The following MBD2 variants were observed in gnomAD, a reference collection of about 807,000 sequenced individuals.
MBD2 encodes the protein methyl-CpG binding domain protein 2, also known as methyl-CpG-binding domain protein 2.
A neutral mutation model predicts 39.3 loss-of-function variants in MBD2; 9 were observed. That is an observed-to-expected ratio of 0.23 (90% CI 0.14 to 0.40). The LOEUF (loss-of-function observed/expected upper bound fraction) is 0.40. MBD2 is among the 10% of genes least tolerant of loss of function. The pLI is 1.00. For synonymous variants in MBD2, 233 were observed against 211.1 expected (o/e 1.10, Z -0.90); for missense variants, 458 against 532.6 (o/e 0.86, Z 1.38).
Position 54,224,277 on chromosome 18 carries a change from C to A in MBD2, c.283G>T (p.Gly95Cys), listed in dbSNP as rs2086642487. The change falls in exon 1 of 7, where the codon GGC (glycine) becomes TGC (cysteine). Residue 95 changes from glycine (G) to cysteine (C), a missense_variant. Coordinates refer to ENST00000256429, the MANE Select transcript of MBD2 (RefSeq NM_003927.5). The part of the protein sequence containing the change: ...GRGRGRGRGR[G>C]RPPSGGSGLG... Reference sequence around the variant, plus strand: ...CCGCTGCCGCCACTCGGGGGACGGCCGCGGCCCCGGCCCCGGCCCCGTCCC... The same window carrying A: ...CCGCTGCCGCCACTCGGGGGACGGCAGCGGCCCCGGCCCCGGCCCCGTCCC... The A allele has an allele frequency of 1.1e-6, 1 of 948,204 alleles. No homozygotes were observed. Among genetic ancestry groups the A allele is most frequent in the South Asian group, 4.7e-5 (1 of 21,398 alleles). 58.7% of individuals were successfully genotyped at this position (948,204 alleles called of 1,614,324 possible).
intron 3 of MBD2, among the ~76,000 whole-genome samples, chr18:54,180,890 A>ATTTTTTTTT (rs1568083459): frequency 3.5e-5 from 4 of 114,594 alleles, no homozygotes; most frequent in African/African-American, 1.1e-4. Flanking sequence ...GTATTCCTTA[A>ATTTTTTTTT]TTTTTTCTTT....
In MBD2 at chr18:54,224,405, T is replaced by A; in HGVS notation, c.155A>T (p.Glu52Val). The change falls in exon 1 of 7, where the codon GAA becomes GTA. Residue 52 changes from glutamate (E) to valine (V), a missense_variant. This residue lies in a region of MBD2 where 269 missense variants were observed against 236.0 expected (regional missense o/e 1.14). Transcript: ENST00000256429. The stretch of plus-strand genomic sequence containing the variant: ...GCCACGGCCGCCGCCCCGAGCGCCT[T>A]CCCTGCGCACGCCGCTCACCGGGGA... ...APSPVSGVRR[E>V]GARGGGRGRG... is the part of the protein sequence containing the mutation. 1 of 1,245,872 alleles carries A rather than the reference T, an allele frequency of 8.0e-7. No individual in the cohort carries two copies. Among genetic ancestry groups the A allele is most frequent in the Non-Finnish European group, 1.0e-6 (1 of 996,428 alleles). 77.2% of individuals were successfully genotyped at this position (1,245,872 alleles called of 1,614,324 possible).
intron 1 of MBD2, among the ~76,000 whole-genome samples, chr18:54,221,885 AACT>A (rs1386382249): frequency 6.6e-6 from 1 of 152,242 alleles, no homozygotes; most frequent in Non-Finnish European, 1.5e-5. Flanking sequence ...TAACTTTTCC[AACT>A]ACAAGGAAAA....
At chr18:54,182,417 G>C (rs2086257469) in intron 3 of MBD2, among the ~76,000 whole-genome samples, 1 of 152,168 alleles carries the variant, frequency 6.6e-6, no homozygotes, top group African/African-American at 2.4e-5. Flanking sequence ...AAAGGAAACA[G>C]CATGAAATCT....
At chr18:54,214,021 T>A (rs2926343) in intron 1 of MBD2, among the ~76,000 whole-genome samples, 3 of 150,138 alleles carry the variant, frequency 2.0e-5, no homozygotes, top group African/African-American at 2.4e-5. Flanking sequence ...TTTTTTTTTT[T>A]AACAACAAAC....
chr18:54,180,168 A>C (rs1209173146), intron 3 of MBD2, among the ~76,000 whole-genome samples: 2 of 152,114 alleles, frequency 1.3e-5, no homozygotes, highest in African/African-American at 2.4e-5. Context: ...ATATAAGATC[A>C]CTAGACTGAA....
intron 2 of MBD2, among the ~76,000 whole-genome samples, chr18:54,194,911 G>C (rs957762343): frequency 6.6e-6 from 1 of 152,038 alleles, no homozygotes; most frequent in Non-Finnish European, 1.5e-5. Flanking sequence ...TGAGTCATTC[G>C]TGTTCTCAAT....
intron 1 of MBD2, among the ~76,000 whole-genome samples, chr18:54,207,221 G>A (rs2086457610): frequency 6.6e-6 from 1 of 152,088 alleles, no homozygotes; most frequent in African/African-American, 2.4e-5. Flanking sequence ...ACCAAAATAT[G>A]CCATATACCT....
chr18:54,157,630 G>A (rs534540073), intron 6 of MBD2, among the ~76,000 whole-genome samples: 3 of 152,282 alleles, frequency 2.0e-5, no homozygotes, highest in East Asian at 3.9e-4. Flanking sequence ...ACATGTAAAT[G>A]TAAGACATTA....
At chr18:54,187,792 T>C (rs2086294750) in intron 3 of MBD2, 2 of 985,908 alleles carry the variant, frequency 2.0e-6, no homozygotes, top group Non-Finnish European at 2.4e-6. Flanking sequence ...TATAGCAAGA[T>C]GCTGATCCAA....
intron 3 of MBD2, among the ~76,000 whole-genome samples, chr18:54,168,599 T>TATA (rs2086154505): frequency 9.6e-6 from 1 of 104,548 alleles, no homozygotes; most frequent in African/African-American, 4.6e-5. Flanking sequence ...ATATATATAT[T>TATA]TATGTATGCA....
intron 3 of MBD2, among the ~76,000 whole-genome samples, chr18:54,183,461 AT>A (rs1242382456): frequency 6.6e-6 from 1 of 152,232 alleles, no homozygotes; most frequent in Non-Finnish European, 1.5e-5. Context: ...AAAAAAAAGT[AT>A]GAAGGAAAAC....
chr18:54,185,735 A>G (rs2086282017), intron 3 of MBD2, among the ~76,000 whole-genome samples: 1 of 152,098 alleles, frequency 6.6e-6, no homozygotes, highest in African/African-American at 2.4e-5. Flanking sequence ...CCTCCCCACT[A>G]CAGGGGTCTT....
intron 2 of MBD2, among the ~76,000 whole-genome samples, chr18:54,195,148 T>C (rs1449615712): frequency 6.6e-6 from 1 of 152,076 alleles, no homozygotes; most frequent in African/African-American, 2.4e-5. Flanking sequence ...AAACCATCCA[T>C]GTCTATGAAT....
chr18:54,210,902 C>G (rs1454764219), intron 1 of MBD2, among the ~76,000 whole-genome samples: 2 of 134,730 alleles, frequency 1.5e-5, no homozygotes, highest in East Asian at 2.2e-4. Context: ...GACAGAGTCT[C>G]GCTCTGTCGC....
intron 6 of MBD2, among the ~76,000 whole-genome samples, chr18:54,156,901 A>G (rs1406585252): frequency 3.3e-5 from 5 of 152,062 alleles, no homozygotes; most frequent in South Asian, 2.1e-4. Flanking sequence ...TAAAACCTCA[A>G]TTAGGTGACC....
At chr18:54,213,417 T>A (rs1474626998) in intron 1 of MBD2, among the ~76,000 whole-genome samples, 1 of 152,190 alleles carries the variant, frequency 6.6e-6, no homozygotes, top group African/African-American at 2.4e-5. Flanking sequence ...CCATTCGGGA[T>A]CCATGGAAAA....
At chr18:54,190,983 T>G (rs1400412203) in intron 2 of MBD2, among the ~76,000 whole-genome samples, 1 of 152,220 alleles carries the variant, frequency 6.6e-6, no homozygotes, top group Non-Finnish European at 1.5e-5. Context: ...ACAATTATCG[T>G]GTTTTCTCAG....
At chr18:54,204,894 G>A (rs1163417567) in intron 2 of MBD2, 104 bp downstream of exon 2, 63 of 1,092,106 alleles carry the variant, frequency 5.8e-5, no homozygotes, top group Admixed American at 7.8e-5. Flanking sequence ...GGACATGCAC[G>A]GGACATTTGG....
Sources: gnomAD v4.1 joint callset for allele counts (sites outside exome capture counted in the v4.1 genomes callset) on GRCh38, gnomAD v4.1.1 for gene constraint, gnomAD v4.1.1 regional missense constraint, MANE v1.5 for transcripts, NCBI Gene and HGNC (gene_info 2026-07-23, HGNC 2026-07-21) for gene names.